Variants in HELZ2 observed in about 807,000 individuals in gnomAD.
HELZ2 encodes the protein helicase with zinc finger 2, also known as 3'-5' exoribonuclease HELZ2.
In HELZ2, 143 loss-of-function variants were observed where a neutral mutation model predicts 208.8. The ratio of observed to expected loss-of-function variants is 0.68; its 90% CI spans 0.60 to 0.79. The LOEUF is 0.79. HELZ2 is among the 30% of genes least tolerant of loss of function. The probability of loss-of-function intolerance (pLI) is 0.00; values close to 1 mark genes in which losing one functional copy is unlikely to be tolerated. For missense variants in HELZ2, 3,690 were observed against 3,794.5 expected (o/e 0.97, Z 0.72); for synonymous variants, 1,705 against 1,693.7 (o/e 1.01, Z -0.16).
At chr20:63,565,865 T>C in exon 8 of HELZ2, 1 of 1,597,858 alleles carries the variant, frequency 6.3e-7, no homozygotes, top group Non-Finnish European at 8.5e-7. Flanking sequence ...CGCCTGCTCC[T>C]CGGCCAGGTC....
At chr20:63,569,108 G>A in intron 4 of HELZ2, 40 bp downstream of exon 5, 1 of 1,580,060 alleles carries the variant, frequency 6.3e-7, no homozygotes, top group South Asian at 1.1e-5. Context: ...TGCCCCAGCT[G>A]CTCCTGCTAC....
upstream of HELZ2, among the ~76,000 whole-genome samples, chr20:63,573,544 T>C (rs6011905): frequency 0.94 from 142,528 of 152,128 alleles, 66,895 homozygotes; most frequent in East Asian, 1. This position sits in a 1 kb window ranked among gnomAD's most constrained non-coding sequence, Gnocchi z 4.9. Flanking sequence ...GCAGAGCCCT[T>C]GGCACAGTGC....
chr20:63,559,859 G>T (rs141784306), intron 18 of HELZ2, 69 bp downstream of exon 19: 2 of 1,543,914 alleles, frequency 1.3e-6, no homozygotes, highest in African/African-American at 1.4e-5. Context: ...GGCAGGAGTC[G>T]GCAGCTCCCT....
chr20:63,565,664 T>A (rs1419828941), exon 8 of HELZ2: 7 of 1,609,862 alleles, frequency 4.3e-6, no homozygotes, highest in Non-Finnish European at 5.9e-6. Flanking sequence ...ATCCTCAGCC[T>A]CCGTGGACTC....
intron 4 of HELZ2, 47 bp from the exon 6 acceptor site, chr20:63,569,046 C>G: frequency 6.3e-7 from 1 of 1,595,956 alleles, no homozygotes; most frequent in South Asian, 1.1e-5. Flanking sequence ...GCTGCCAGCC[C>G]CGCTGCCAAG....
rs760698832 is a variant in HELZ2, at chr20:63,562,614, C to T, written c.6208G>A (p.Val2070Ile). ...ACCTTCTCCATGCCCATGTGGTGGA[C>T]GAAGAGGTGCACCCGTCTGGGAGCC... The change falls in exon 8 of 19, where the codon GTC becomes ATC. Residue 2070 changes from valine to isoleucine, a missense_variant. Physicochemically the swap from Val to Ile is conservative, Grantham distance 29. Transcript: ENST00000467148. The T allele has an allele frequency of 7.3e-5, 116 of 1,593,016 alleles. 1 individual carries two copies. Among genetic ancestry groups the T allele is most frequent in the Non-Finnish European group, 5.8e-5 (68 of 1,170,838 alleles).
At chr20:63,567,341 G>T in exon 6 of HELZ2, 1 of 1,606,422 alleles carries the variant, frequency 6.2e-7, no homozygotes. Context: ...TCGCACTCCA[G>T]CATCTGGGCC....
Position 63,564,930 on chromosome 20 carries a change from G to A in HELZ2, c.3892C>T (p.Arg1298Cys), listed in dbSNP as rs760408614. 10 of 1,611,164 alleles carry A rather than the reference G, an allele frequency of 6.2e-6. No homozygotes were observed. The East Asian group carries it at 6.7e-5, about 11-fold the overall frequency. Residue 1298 changes from arginine (R) to cysteine (C), a missense_variant, in exon 8 of 19, where the codon CGC (arginine) becomes TGC (cysteine). By Grantham distance (180) the Arg-to-Cys change is radical. Transcript: ENST00000467148. ...AAGCTGTACTCCAGGCCGAGGATGCGGAGGCCCTGCTCCCAGGTGCTGGCC... is the reference window on the plus strand; with the variant it reads ...AAGCTGTACTCCAGGCCGAGGATGCAGAGGCCCTGCTCCCAGGTGCTGGCC...
At chr20:63,559,292 G>A in exon 19 of HELZ2, 2 of 1,594,664 alleles carry the variant, frequency 1.3e-6, no homozygotes, top group Non-Finnish European at 1.7e-6. Flanking sequence ...CTGGCCGGCA[G>A]GCACGAGGGT....
exon 19 of HELZ2, chr20:63,559,252 A>G: frequency 6.4e-7 from 1 of 1,561,580 alleles, no homozygotes; most frequent in Non-Finnish European, 8.7e-7. Flanking sequence ...CTCTTCAGGA[A>G]GGCATAGTTG....
chr20:63,559,310 G>A (rs372408394), exon 19 of HELZ2: 2 of 1,600,944 alleles, frequency 1.2e-6, no homozygotes, highest in Non-Finnish European at 1.7e-6. Flanking sequence ...GGTCTGCTGA[G>A]CCTCGCAGAA....
chr20:63,565,413 C>T lies in HELZ2; in HGVS notation c.3409G>A (p.Glu1137Lys), dbSNP rs749385298. Reference sequence around the variant, plus strand: ...ATGGCTGACGCCCGCTCGAAGGTCTCTGGCACGAAAGAGCAGTGGCGGTAC... The same window carrying T: ...ATGGCTGACGCCCGCTCGAAGGTCTTTGGCACGAAAGAGCAGTGGCGGTAC... The change falls in exon 8 of 19, where the codon GAG becomes AAG. Residue 1137 changes from glutamate (E) to lysine (K), a missense_variant. Around this residue, in one of 3 missense-constraint regions of HELZ2, gnomAD observed 2,564 missense variants for 2,580.5 expected, o/e 0.99. Coordinates refer to ENST00000467148, the Ensembl canonical transcript of HELZ2. The T allele has an allele frequency of 3.1e-6, 5 of 1,611,120 alleles. No individual in the cohort carries two copies. The South Asian group carries it at 5.5e-5, about 18-fold the overall frequency.
chr20:63,567,211 A>T, exon 6 of HELZ2: 1 of 1,607,768 alleles, frequency 6.2e-7, no homozygotes, highest in African/African-American at 1.3e-5. Flanking sequence ...GCGGTGCAGC[A>T]GCGTGTGCTC....
chr20:63,564,993 A>G, exon 8 of HELZ2: 1 of 1,599,342 alleles, frequency 6.3e-7, no homozygotes, highest in Non-Finnish European at 8.5e-7. Flanking sequence ...AGCGGGTAGT[A>G]GAAGCCTTGC....
downstream of HELZ2, chr20:63,559,181 G>C: frequency 6.9e-7 from 1 of 1,445,576 alleles, no homozygotes; most frequent in South Asian, 1.4e-5. Context: ...GAGGGTGGTG[G>C]GGAGGGTGGG....
At chr20:63,568,030 C>T (rs1415116001) in intron 5 of HELZ2, 3 of 535,080 alleles carry the variant, frequency 5.6e-6, no homozygotes, top group Non-Finnish European at 9.9e-6. Flanking sequence ...AAAGGGGAAC[C>T]TTGTGGTTAG....
rs369130277 is a variant in HELZ2 at position 63,569,452 on chromosome 20, C to T, written c.784G>A (p.Val262Met). 583 of 1,609,716 alleles carry T rather than the reference C, an allele frequency of 3.6e-4. 1 individual carries two copies. Among genetic ancestry groups the T allele is most frequent in the Non-Finnish European group, 4.7e-4 (559 of 1,177,746 alleles). Residue 262 changes from valine (V) to methionine (M), a missense_variant, in exon 4 of 19, where the codon GTG becomes ATG. Around this residue, in one of 3 missense-constraint regions of HELZ2, gnomAD observed 1,119 missense variants for 1,193.4 expected, o/e 0.94. Transcript: ENST00000467148. ...TGCAGCCCCAGCTTTTGTAGCAGCA[C>T]CGGCCGGCGGCCAAAGTCGAAGACC...
exon 8 of HELZ2, chr20:63,565,113 C>T: frequency 6.4e-7 from 1 of 1,569,138 alleles, no homozygotes; most frequent in Non-Finnish European, 8.6e-7. Context: ...TAGATGGGGA[C>T]CTGCGATGGG....
chr20:63,566,076 C>T (rs1365214240), exon 8 of HELZ2: 5 of 1,586,464 alleles, frequency 3.2e-6, no homozygotes, highest in African/African-American at 2.7e-5. Flanking sequence ...CAGAGGGCCA[C>T]GGCGTCCCCC....
Sources: allele counts gnomAD v4.1 joint callset (sites outside exome capture counted in the v4.1 genomes callset), GRCh38; gene constraint gnomAD v4.1.1; regional missense constraint gnomAD v4.1.1; non-coding constraint Gnocchi (gnomAD v3.1); transcripts MANE v1.5; gene names NCBI Gene and HGNC (gene_info 2026-07-23, HGNC 2026-07-21).